The following SLAIN2 variants were observed in gnomAD, a reference collection of about 807,000 sequenced individuals.
SLAIN2 encodes SLAIN motif-containing protein 2.
Under a neutral mutation model 56.6 loss-of-function variants are expected in SLAIN2, and 31 were observed. The ratio of observed to expected loss-of-function variants is 0.55; its 90% confidence interval spans 0.41 to 0.74. SLAIN2 has a LOEUF of 0.74. Among genes scored for constraint, SLAIN2 ranks in the 30% least tolerant of loss-of-function variants. The pLI is 0.00. For synonymous variants in SLAIN2, 317 were observed against 284.9 expected (o/e 1.11, Z -1.13); for missense variants, 777 against 754.2 (o/e 1.03, Z -0.35).
intron 2 of SLAIN2, among the ~76,000 whole-genome samples, chr4:48,371,568 T>C (rs1715664814): frequency 6.6e-6 from 1 of 152,176 alleles, no homozygotes; most frequent in African/African-American, 2.4e-5. Context: ...CTGGCATTAA[T>C]GTACTTAATG....
chr4:48,420,514 C>T (rs1371892450), intron 7 of SLAIN2, 71 bp downstream of exon 7: 2 of 1,518,370 alleles, frequency 1.3e-6, no homozygotes, highest in Non-Finnish European at 1.8e-6. Context: ...GAATTAGCTT[C>T]ATCCGTATGT....
chr4:48,412,956 G>C (rs1056146995), intron 6 of SLAIN2, among the ~76,000 whole-genome samples: 1 of 152,012 alleles, frequency 6.6e-6, no homozygotes, highest in African/African-American at 2.4e-5. Flanking sequence ...GGCCAGACAC[G>C]GTGGCTCACC....
rs945515417 is a variant in SLAIN2 at position 48,358,068 on chromosome 4, A to T, written c.390-11781A>T. 8.3e-4 allele frequency among the ~76,000 whole-genome samples: 127 copies of T among 152,192 alleles called. 8 individuals are homozygous for T. Among genetic ancestry groups the T allele is most frequent in the Non-Finnish European group, 1.6e-4 (11 of 68,034 alleles). On this transcript the variant is annotated intron_variant, in intron 1 of 7. Coordinates refer to ENST00000264313, the MANE Select transcript of SLAIN2 (RefSeq NM_020846.2). ...CAATGCTATTAGGCAGTAAAGTATA[A>T]TATTTAAGAGTACTGCTTCTGGAGC...
rs1365517891 is a variant in SLAIN2 at position 48,409,165 on chromosome 4, A to G, written c.1361-10960A>G. On this transcript the variant is annotated intron_variant, in intron 6 of 7. Coordinates refer to ENST00000264313, the MANE Select transcript of SLAIN2 (RefSeq NM_020846.2). ...AGAGAATCAGGTCCCCATCCCCTCA[A>G]GCATTCATCCTTTGTGTTACAGACA... Among the ~76,000 whole-genome samples the G allele has an allele frequency of 3.3e-5, 5 of 152,282 alleles. No homozygotes were observed. The East Asian group carries it at 5.8e-4, about 18-fold the overall frequency.
chr4:48,408,113 G>C, intron 6 of SLAIN2, among the ~76,000 whole-genome samples: 1 of 152,186 alleles, frequency 6.6e-6, no homozygotes, highest in East Asian at 1.9e-4. Context: ...GAGGTAGGAG[G>C]ATCATTTGAG....
Position 48,369,994 on chromosome 4 carries a change from T to G in SLAIN2, c.535T>G (p.Ser179Ala). 6.2e-7 allele frequency: 1 copy of G among 1,612,990 alleles called. No homozygotes were observed. The highest frequency in any genetic ancestry group is 8.5e-7 in the Non-Finnish European group (1 of 1,179,354). Residue 179 changes from serine (S) to alanine (A), a missense_variant, in exon 2 of 8, where the codon TCA becomes GCA. Coordinates refer to ENST00000264313, the MANE Select transcript of SLAIN2 (RefSeq NM_020846.2). ...TATCCACAAACTTGATCAAACTATG[T>G]CAGGTATGTCTATAATTTTGCTTGT... ...SLIHKLDQTMSALKRQNLYNN... is the reference protein window; with the variant it reads ...SLIHKLDQTMAALKRQNLYNN...
chr4:48,362,423 CT>C (rs557166143), intron 1 of SLAIN2, among the ~76,000 whole-genome samples: 1,584 of 140,842 alleles, frequency 0.011, 15 homozygotes, highest in African/African-American at 0.035. Flanking sequence ...TTCTCTCTCT[CT>C]TTTTTTTTTT....
chr4:48,367,582 CTG>C (rs1056134115), intron 1 of SLAIN2, among the ~76,000 whole-genome samples: 2 of 151,436 alleles, frequency 1.3e-5, no homozygotes. Flanking sequence ...GTCTTTATAA[CTG>C]AAAGAATTAT....
At chr4:48,407,503 C>A (rs1033770102) in intron 6 of SLAIN2, among the ~76,000 whole-genome samples, 7 of 151,846 alleles carry the variant, frequency 4.6e-5, no homozygotes, top group Non-Finnish European at 7.4e-5. Flanking sequence ...TATTTAAATT[C>A]TTTTTTTTCT....
chr4:48,387,473 A>G (rs1716129741), intron 6 of SLAIN2: 1 of 152,068 alleles, frequency 6.6e-6, no homozygotes, highest in African/African-American at 2.4e-5. Flanking sequence ...GAAAGTATGT[A>G]TGCAATTTCA....
intron 6 of SLAIN2, among the ~76,000 whole-genome samples, chr4:48,399,739 T>C (rs1189070862): frequency 6.6e-6 from 1 of 152,210 alleles, no homozygotes; most frequent in Non-Finnish European, 1.5e-5. Context: ...TTGAAGACCT[T>C]TTCTGTGTCT....
At chr4:48,402,138 C>T (rs1716571005) in intron 6 of SLAIN2, among the ~76,000 whole-genome samples, 2 of 151,662 alleles carry the variant, frequency 1.3e-5, no homozygotes, top group African/African-American at 2.4e-5. Context: ...CTGAGAGGTC[C>T]TCTGTTAGTC....
Position 48,341,921 on chromosome 4 carries a change from C to G in SLAIN2, c.182C>G (p.Ala61Gly), listed in dbSNP as rs1381362235. 1.3e-6 allele frequency: 2 copies of G among 1,505,514 alleles called. No individual in the cohort carries two copies. The highest frequency in any genetic ancestry group is 1.8e-6 in the Non-Finnish European group (2 of 1,128,980). The allele number at this position is 1,505,514 out of a possible 1,614,324, so 93.3% of individuals were successfully genotyped here. A position where few individuals can be genotyped will look rare whatever the true frequency, so the allele number is the denominator to read the frequency against. The change falls in exon 1 of 8, where the codon GCG becomes GGG. Residue 61 changes from alanine (A) to glycine (G), a missense_variant. Transcript: ENST00000264313. ...RAGASIPSSG[A>G]ASPRGFPLGL... ...GGCGCGTCCATTCCCTCCTCCGGCG[C>G]GGCGTCTCCTCGGGGCTTCCCCTTG... is the stretch of plus-strand genomic sequence containing the variant.
chr4:48,399,893 G>T (rs1052213600), intron 6 of SLAIN2, among the ~76,000 whole-genome samples: 1 of 152,004 alleles, frequency 6.6e-6, no homozygotes, highest in Non-Finnish European at 1.5e-5. Context: ...TGTGCTGCTG[G>T]GTTCAGTTTG....
intron 6 of SLAIN2, among the ~76,000 whole-genome samples, chr4:48,418,576 A>G (rs1355794424): frequency 6.6e-6 from 1 of 152,200 alleles, no homozygotes; most frequent in Non-Finnish European, 1.5e-5. Flanking sequence ...GGATTTTTAC[A>G]TCTATATTTG....
intron 7 of SLAIN2, among the ~76,000 whole-genome samples, chr4:48,421,218 G>T (rs1322388350): frequency 6.6e-6 from 1 of 152,012 alleles, no homozygotes; most frequent in Non-Finnish European, 1.5e-5. Context: ...TGTTGCCCAG[G>T]CTTGTCTGGA....
intron 4 of SLAIN2, among the ~76,000 whole-genome samples, chr4:48,380,264 A>T (rs1213909325): frequency 6.6e-6 from 1 of 151,534 alleles, no homozygotes; most frequent in Admixed American, 6.6e-5. Context: ...TTTCTCCCAC[A>T]CTCCCCATGA....
intron 6 of SLAIN2, among the ~76,000 whole-genome samples, chr4:48,391,964 G>C (rs999056611): frequency 2.8e-4 from 42 of 152,270 alleles, no homozygotes; most frequent in African/African-American, 9.9e-4. Flanking sequence ...AGGTATTGCT[G>C]AAGTGGAATT....
intron 6 of SLAIN2, among the ~76,000 whole-genome samples, chr4:48,417,753 A>G (rs1371314597): frequency 2.0e-5 from 3 of 147,724 alleles, no homozygotes; most frequent in Non-Finnish European, 3.0e-5. Context: ...CAAAAACCAC[A>G]TGATTATCTC....
Sources: gnomAD v4.1 joint callset for allele counts (sites outside exome capture counted in the v4.1 genomes callset) on GRCh38, gnomAD v4.1.1 for gene constraint, MANE v1.5 for transcripts, NCBI Gene and HGNC (gene_info 2026-07-23, HGNC 2026-07-21) for gene names.